HLA-DQB1: variants seen among roughly 807,000 people sequenced by gnomAD.
The protein encoded by HLA-DQB1 is HLA class II histocompatibility antigen, DQ beta 1 chain.
In HLA-DQB1, 13 loss-of-function variants were observed where a neutral mutation model predicts 26.4. The observed-to-expected ratio is 0.49, with a 90% CI of 0.32 to 0.78. The LOEUF is 0.78. HLA-DQB1 is among the 30% of genes least tolerant of loss of function. The pLI is 0.03. For synonymous variants in HLA-DQB1, 60 were observed against 129.1 expected (o/e 0.46, Z 3.63); for missense variants, 158 against 326.2 (o/e 0.48, Z 3.97).
exon 3 of HLA-DQB1, chr6:32,661,978 G>C: frequency 1.3e-6 from 2 of 1,502,970 alleles, no homozygotes; most frequent in Non-Finnish European, 1.8e-6. Flanking sequence ...CCACTCCACG[G>C]TGATGGGGCT....
chr6:32,664,648 T>C (rs9274351), intron 2 of HLA-DQB1, 150 bp downstream of exon 2: 1 of 209,776 alleles, frequency 4.8e-6, no homozygotes, highest in Non-Finnish European at 8.7e-6. Context: ...CCGATGCACC[T>C]GCCCCCACCA....
At chr6:32,661,138 T>C (rs28724235) in intron 4 of HLA-DQB1, among the ~76,000 whole-genome samples, 2,137 of 118,012 alleles carry the variant, frequency 0.018, 212 homozygotes, top group African/African-American at 0.055. Context: ...ATGGTAAGGA[T>C]GCCCTGGAAT....
intron 2 of HLA-DQB1, 104 bp downstream of exon 2, chr6:32,664,694 A>T: frequency 6.5e-6 from 2 of 309,132 alleles, no homozygotes; most frequent in Non-Finnish European, 1.0e-5. Flanking sequence ...GGGTGGAATG[A>T]ACTGGGCTCA....
At chr6:32,666,391 A>G (rs281860944) in intron 1 of HLA-DQB1, 108 bp downstream of exon 1, 2 of 440,036 alleles carry the variant, frequency 4.5e-6, no homozygotes, top group South Asian at 6.5e-5. Flanking sequence ...GGAAATGTTG[A>G]TGAAAGATTG....
intron 1 of HLA-DQB1, among the ~76,000 whole-genome samples, chr6:32,665,423 C>T: frequency 7.3e-6 from 1 of 137,264 alleles, no homozygotes; most frequent in Middle Eastern, 3.7e-3. Context: ...TCCTGGATAC[C>T]TCAGAGATAA....
chr6:32,666,409 G>T, intron 1 of HLA-DQB1, 90 bp downstream of exon 1: 1 of 476,024 alleles, frequency 2.1e-6, no homozygotes, highest in Admixed American at 4.9e-5. Context: ...TTGTGTCCAA[G>T]ATCATAGAGA....
intron 1 of HLA-DQB1, 30 bp downstream of exon 1, chr6:32,666,469 G>A (rs281860872): frequency 2.5e-6 from 2 of 802,544 alleles, no homozygotes; most frequent in Non-Finnish European, 4.0e-6. Flanking sequence ...CCAGAGTGGC[G>A]GCTCTGGAGA....
intron 4 of HLA-DQB1, chr6:32,660,825 G>GC (rs148271127): frequency 0.37 from 425,200 of 1,157,784 alleles, 92,406 homozygotes; most frequent in Middle Eastern, 0.47. Flanking sequence ...TTATACCTGT[G>GC]CCTCCCCACA....
chr6:32,664,224 G>A (rs281862531), intron 2 of HLA-DQB1: 1 of 97,150 alleles, frequency 1.0e-5, no homozygotes, highest in African/African-American at 3.6e-5. Context: ...AAAGATCTCC[G>A]CCATTAGTGG....
chr6:32,660,504 A>C (rs1782881640), intron 4 of HLA-DQB1: 4 of 352,044 alleles, frequency 1.1e-5, no homozygotes, highest in Non-Finnish European at 2.0e-5. Context: ...CAGTCTTTTT[A>C]GGAAATTGGA....
At chr6:32,666,599 C>G in exon 1 of HLA-DQB1, 1 of 1,114,238 alleles carries the variant, frequency 9.0e-7, no homozygotes, top group Non-Finnish European at 1.3e-6. Context: ...AAGCCTTCTT[C>G]CAAGACATAA....
intron 4 of HLA-DQB1, among the ~76,000 whole-genome samples, chr6:32,661,140 C>CAT (rs1411913155): frequency 0.017 from 1,908 of 111,876 alleles, 46 homozygotes; most frequent in African/African-American, 0.027. Flanking sequence ...GGTAAGGATG[C>CAT]CCTGGAATAA....
At chr6:32,666,041 C>G (rs9274484) in intron 1 of HLA-DQB1, among the ~76,000 whole-genome samples, 23,154 of 93,734 alleles carry the variant, frequency 0.25, 3,180 homozygotes, top group Middle Eastern at 0.43. Flanking sequence ...ATGCTCCACT[C>G]GGTCAGGAAT....
chr6:32,665,134 C>T (rs281861995), intron 1 of HLA-DQB1, 67 bp from the exon 2 acceptor site: 1 of 957,826 alleles, frequency 1.0e-6, no homozygotes, highest in South Asian at 1.9e-5. Flanking sequence ...CCGCCCTGAC[C>T]CGGCCTGGAG....
intron 4 of HLA-DQB1, chr6:32,660,694 AAT>A (rs879446247): frequency 0.18 from 81,089 of 443,032 alleles, 11,763 homozygotes; most frequent in Middle Eastern, 0.28. Context: ...TCTGGGGAAC[AAT>A]GTCTGGAGAT....
chr6:32,660,049 G>A (rs1782832500), exon 5 of HLA-DQB1: 3 of 375,358 alleles, frequency 8.0e-6, no homozygotes, highest in South Asian at 6.7e-5. Context: ...GTCAGTGCAG[G>A]AAGCAGAGTC....
rs1356813451 is a variant in HLA-DQB1, at chr6:32,664,714, GACCTC to G, written c.379+79_379+83del. On this transcript the variant is annotated intron_variant, in intron 2 of 4. Transcript: ENST00000434651. ...GAATGAACTGGGCTCAGATTTCAGA[GACCTC>G]GCCCCCATCGCCCCTCCCGGCACAG... 1,161 of 462,990 alleles carry G rather than the reference GACCTC, an allele frequency of 2.5e-3. 116 individuals are homozygous for G. The highest frequency in any genetic ancestry group is 5.1e-3 in the South Asian group (173 of 33,874). 28.7% of individuals were successfully genotyped at this position (462,990 alleles called of 1,614,324 possible). A position where few individuals can be genotyped will look rare whatever the true frequency, so the allele number is the denominator to read the frequency against.
chr6:32,665,138 C>A (rs74188963), intron 1 of HLA-DQB1, 71 bp from the exon 2 acceptor site: 89,824 of 895,124 alleles, frequency 0.1, 14,029 homozygotes, highest in South Asian at 0.21. Flanking sequence ...CCTGACCCGG[C>A]CTGGAGCTGT....
Position 32,660,063 on chromosome 6 carries a change from G to A in HLA-DQB1, c.*173C>T, listed in dbSNP as rs929412296. ...GGTCAGTGCAGGAAGCAGAGTCACA[G>A]CCAGCGCCTTGGGGTGGGGATGAAA... On this transcript the variant is annotated 3_prime_UTR_variant, in exon 5 of 5. Transcript: ENST00000434651. The A allele has an allele frequency of 1.7e-4, 65 of 376,798 alleles. 8 individuals are homozygous for A. Among genetic ancestry groups the A allele is most frequent in the Admixed American group, 6.0e-4 (12 of 19,918 alleles). The allele number at this position is 376,798 out of a possible 1,614,324, so 23.3% of individuals were successfully genotyped here. A position where few individuals can be genotyped will look rare whatever the true frequency, so the allele number is the denominator to read the frequency against.
Sources: gnomAD v4.1 joint callset for allele counts (sites outside exome capture counted in the v4.1 genomes callset) on GRCh38, gnomAD v4.1.1 for gene constraint, MANE v1.5 for transcripts, NCBI Gene and HGNC (gene_info 2026-07-23, HGNC 2026-07-21) for gene names.